The following SLC2A14 variants were observed in gnomAD, a reference collection of about 807,000 sequenced individuals.
SLC2A14 encodes the protein solute carrier family 2, facilitated glucose transporter member 14.
Under a neutral mutation model 43.0 loss-of-function variants are expected in SLC2A14, and 13 were observed. That is an observed-to-expected ratio of 0.30 (90% CI 0.20 to 0.48). The LOEUF is 0.48. Ranked by LOEUF, SLC2A14 falls within the 20% of genes least tolerant of loss-of-function variation. The probability of loss-of-function intolerance (pLI) is 0.99; values close to 1 mark genes in which losing one functional copy is unlikely to be tolerated. For synonymous variants in SLC2A14, 190 were observed against 233.8 expected, an observed-to-expected ratio of 0.81 and a Z score of 1.71; for missense variants, 428 against 620.4, an observed-to-expected ratio of 0.69 and a Z score of 3.29.
At chr12:7,826,473 G>A (rs988893084) in intron 7 of SLC2A14, among the ~76,000 whole-genome samples, 1 of 152,078 alleles carries the variant, frequency 6.6e-6, no homozygotes, top group Non-Finnish European at 1.5e-5. Context: ...GTATTAAAAT[G>A]CTCAAAATAC....
At chr12:7,856,755 A>G (rs770330527) in intron 2 of SLC2A14, among the ~76,000 whole-genome samples, 1 of 152,222 alleles carries the variant, frequency 6.6e-6, no homozygotes, top group East Asian at 1.9e-4. Flanking sequence ...GCTCCACCCC[A>G]GGCCTGCTGA....
chr12:7,834,216 T>C (rs1002782791), intron 2 of SLC2A14, among the ~76,000 whole-genome samples: 2 of 152,064 alleles, frequency 1.3e-5, no homozygotes, highest in African/African-American at 4.8e-5. Flanking sequence ...CTCATAACTT[T>C]CCATCCCTTC....
intron 9 of SLC2A14, among the ~76,000 whole-genome samples, chr12:7,818,794 T>C (rs1271470060): frequency 6.6e-6 from 1 of 151,954 alleles, no homozygotes; most frequent in Non-Finnish European, 1.5e-5. Flanking sequence ...AGTGTTAAGA[T>C]GACAGGAATG....
At chr12:7,841,586 G>A (rs1865949938) in intron 2 of SLC2A14, among the ~76,000 whole-genome samples, 2 of 152,082 alleles carry the variant, frequency 1.3e-5, no homozygotes, top group African/African-American at 2.4e-5. Context: ...ATAATTGATG[G>A]GCTAATATTG....
chr12:7,871,140 T>G (rs1945209334), intron 1 of SLC2A14: 1 of 1,329,310 alleles, frequency 7.5e-7, no homozygotes, highest in African/African-American at 1.5e-5. Flanking sequence ...AGAAGCTGAA[T>G]GGAACAGACC....
chr12:7,834,157 T>G (rs1865253686), intron 2 of SLC2A14, among the ~76,000 whole-genome samples: 1 of 151,688 alleles, frequency 6.6e-6, no homozygotes, highest in Non-Finnish European at 1.5e-5. Flanking sequence ...GTCCTTTCTT[T>G]CTCCTCTCAT....
intron 1 of SLC2A14, among the ~76,000 whole-genome samples, chr12:7,889,663 G>A (rs777461486): frequency 6.6e-6 from 1 of 151,198 alleles, no homozygotes; most frequent in South Asian, 2.1e-4. Context: ...AGCCTCCCAA[G>A]TAGGTGGGAT....
intron 7 of SLC2A14, among the ~76,000 whole-genome samples, chr12:7,824,145 A>G (rs1308300318): frequency 1.3e-5 from 2 of 151,884 alleles, no homozygotes; most frequent in Non-Finnish European, 2.9e-5. Context: ...AGTCCCAGCT[A>G]CTCAGGAGGC....
intron 10 of SLC2A14, among the ~76,000 whole-genome samples, chr12:7,815,556 T>C (rs770611294): frequency 7.9e-5 from 12 of 152,284 alleles, no homozygotes; most frequent in Non-Finnish European, 1.3e-4. Flanking sequence ...ATTACAGTAG[T>C]CCCCAGTTAT....
At position 7,819,593 on chromosome 12, in the gene SLC2A14, GAAT is replaced by G. The variant is rs1565496088; in HGVS notation, c.970-13_970-11del. On this transcript the variant is annotated splice_polypyrimidine_tract_variant and intron_variant, in intron 8 of 10. Coordinates refer to ENST00000431042, the MANE Select transcript of SLC2A14 (RefSeq NM_001286234.2). ...TTTCCACCAGAAATAGCTGGAAGAAGAATATGACATGAAACTTCAGTTTTCCTT... is the reference window on the plus strand; with the variant it reads ...TTTCCACCAGAAATAGCTGGAAGAAGATGACATGAAACTTCAGTTTTCCTT... The G allele has an allele frequency of 1.3e-6, 2 of 1,593,788 alleles. No homozygotes were observed. The highest frequency in any genetic ancestry group is 1.7e-6 in the Non-Finnish European group (2 of 1,171,478).
intron 2 of SLC2A14, among the ~76,000 whole-genome samples, chr12:7,843,571 G>T (rs1000602515): frequency 7.2e-6 from 1 of 138,404 alleles, no homozygotes; most frequent in Non-Finnish European, 1.5e-5. Context: ...GTGTAGTGGG[G>T]TAGAGTGGAA....
At chr12:7,869,112 C>G (rs1317979354) in intron 2 of SLC2A14, among the ~76,000 whole-genome samples, 1 of 151,112 alleles carries the variant, frequency 6.6e-6, no homozygotes, top group Non-Finnish European at 1.5e-5. Context: ...CCATTGCGCT[C>G]TAGCCTGGGC....
At chr12:7,860,618 A>T (rs754339124) in intron 2 of SLC2A14, 1 of 152,340 alleles carries the variant, frequency 6.6e-6, no homozygotes, top group Non-Finnish European at 1.5e-5. Context: ...GACTCCATAA[A>T]TCACTGCAAG....
upstream of SLC2A14, among the ~76,000 whole-genome samples, chr12:7,874,714 A>G (rs921664306): frequency 9.7e-6 from 1 of 103,416 alleles, no homozygotes; most frequent in Non-Finnish European, 1.9e-5. Context: ...ATAAATATGT[A>G]TATAAATATA....
chr12:7,861,420 C>G (rs1944555100), intron 2 of SLC2A14, among the ~76,000 whole-genome samples: 1 of 152,052 alleles, frequency 6.6e-6, no homozygotes, highest in African/African-American at 2.4e-5. Flanking sequence ...CCACTGCTAG[C>G]TTTTCCATTG....
intron 7 of SLC2A14, among the ~76,000 whole-genome samples, chr12:7,825,766 C>CAAAAAAAAAAAAAAAAAAAAAA (rs35156149): frequency 3.3e-5 from 4 of 121,248 alleles, no homozygotes; most frequent in East Asian, 2.4e-4. Flanking sequence ...CTCTGTCTCA[C>CAAAAAAAAAAAAAAAAAAAAAA]AAAAAAAAAA....
chr12:7,854,812 T>G (rs1036916102), intron 2 of SLC2A14, among the ~76,000 whole-genome samples: 1 of 150,968 alleles, frequency 6.6e-6, no homozygotes, highest in African/African-American at 2.4e-5. Context: ...ACTTTATTAT[T>G]TTATTTTTTA....
intron 5 of SLC2A14, among the ~76,000 whole-genome samples, 176 bp from the exon 6 acceptor site, chr12:7,829,042 G>A (rs990957546): frequency 2.0e-5 from 3 of 151,668 alleles, no homozygotes; most frequent in African/African-American, 7.3e-5. Context: ...GTGAAACCCC[G>A]TCTCTACTAA....
Position 7,821,304 on chromosome 12 carries a change from T to C in SLC2A14, c.886A>G (p.Ile296Val), listed in dbSNP as rs1453992922. 1 of 1,613,646 alleles carries C rather than the reference T, an allele frequency of 6.2e-7. No individual in the cohort carries two copies. Among genetic ancestry groups the C allele is most frequent in the African/African-American group, 1.3e-5 (1 of 74,908 alleles). The change falls in exon 8 of 11, where the codon ATC (isoleucine) becomes GTC (valine). Residue 296 changes from isoleucine to valine, a missense_variant. Transcript: ENST00000431042. ...TGTTGAACACCTGCATCCTTGAAGA[T>C]TCCTGTTGAGTAATAGAACACCTAG... Reference protein sequence around the residue: ...INAVFYYSTGIFKDAGVQQPI... With the variant: ...INAVFYYSTGVFKDAGVQQPI...
Sources: allele counts gnomAD v4.1 joint callset (sites outside exome capture counted in the v4.1 genomes callset), GRCh38; gene constraint gnomAD v4.1.1; transcripts MANE v1.5; gene names NCBI Gene and HGNC (gene_info 2026-07-23, HGNC 2026-07-21).